The following IMMP2L variants were observed in gnomAD, a reference collection of about 807,000 sequenced individuals.
The protein encoded by IMMP2L is inner mitochondrial membrane peptidase subunit 2, also known as mitochondrial inner membrane protease subunit 2.
Under a neutral mutation model 19.3 loss-of-function variants are expected in IMMP2L, and 18 were observed. That is an observed-to-expected ratio of 0.93 (90% CI 0.64 to 1.38). IMMP2L has a LOEUF of 1.38. IMMP2L is among the 40% of genes most tolerant of loss of function. The pLI, the probability that IMMP2L is intolerant of heterozygous loss-of-function variation, is 0.00. For missense variants in IMMP2L, 233 were observed against 218.2 expected (o/e 1.07, Z -0.43); for synonymous variants, 76 against 73.0 (o/e 1.04, Z -0.21).
chr7:111,151,777 A>G (rs1452169132), intron 3 of IMMP2L, among the ~76,000 whole-genome samples: 4 of 152,112 alleles, frequency 2.6e-5, no homozygotes, highest in Non-Finnish European at 5.9e-5. Context: ...CATCTCTACT[A>G]AAAGCACAAA....
intron 5 of IMMP2L, among the ~76,000 whole-genome samples, chr7:110,812,625 G>A (rs1802125481): frequency 1.3e-5 from 2 of 152,020 alleles, no homozygotes; most frequent in Non-Finnish European, 2.9e-5. Context: ...ACATATCCTG[G>A]ATCAGGATTG....
intron 3 of IMMP2L, among the ~76,000 whole-genome samples, chr7:111,325,536 A>C (rs1320030063): frequency 6.6e-6 from 1 of 151,736 alleles, no homozygotes; most frequent in African/African-American, 2.4e-5. Context: ...GGACCTACCA[A>C]AATATTTTTA....
At chr7:111,278,937 C>G (rs920676471) in intron 3 of IMMP2L, among the ~76,000 whole-genome samples, 2 of 151,870 alleles carry the variant, frequency 1.3e-5, no homozygotes, top group Non-Finnish European at 2.9e-5. Flanking sequence ...GTCATCAGTT[C>G]TATGAGAATG....
intron 4 of IMMP2L, among the ~76,000 whole-genome samples, chr7:110,916,595 C>T (rs1813638777): frequency 6.6e-6 from 1 of 152,168 alleles, no homozygotes; most frequent in East Asian, 1.9e-4. Flanking sequence ...TTTTACCTTT[C>T]CTACACTACT....
At chr7:111,464,005 T>C (rs1165585308) in intron 3 of IMMP2L, among the ~76,000 whole-genome samples, 1 of 152,180 alleles carries the variant, frequency 6.6e-6, no homozygotes, top group African/African-American at 2.4e-5. Flanking sequence ...ACTGTTTTGC[T>C]CCTTTCCTCC....
At position 111,010,844 on chromosome 7, in the gene IMMP2L, T is replaced by C. The variant is rs142452523; in HGVS notation, c.240-47279A>G. Among the ~76,000 whole-genome samples, 44 of 152,104 alleles carry C rather than the reference T, an allele frequency of 2.9e-4. No individual in the cohort carries two copies. The East Asian group carries it at 6.8e-3, about 23-fold the overall frequency. On this transcript the variant is annotated intron_variant, in intron 3 of 5. Transcript: ENST00000405709. ...GTTTTGGCCGGAGAAAGGACATTCA[T>C]GGTCTCAAGACTACAAACGTGGCAA...
chr7:111,540,491 T>C (rs754552958), intron 1 of IMMP2L, among the ~76,000 whole-genome samples: 1 of 152,156 alleles, frequency 6.6e-6, no homozygotes, highest in African/African-American at 2.4e-5. Flanking sequence ...TCAAAAGCTC[T>C]AACGAGGTGA....
intron 3 of IMMP2L, among the ~76,000 whole-genome samples, chr7:111,265,762 G>A (rs1335697758): frequency 1.2e-4 from 18 of 151,978 alleles, no homozygotes; most frequent in Admixed American, 1.2e-3. Flanking sequence ...TTAGACTAGG[G>A]GCAGGATAAT....
chr7:111,434,604 G>A lies in IMMP2L; in HGVS notation c.239+52634C>T, dbSNP rs546185219. The stretch of plus-strand genomic sequence containing the variant: ...TCTGTTGCACAGGATGGAGTGCAGT[G>A]GCGCAATCTTGGCTCACTGCAACCT... On this transcript the variant is annotated intron_variant, in intron 3 of 5. Transcript: ENST00000405709. 4.0e-5 allele frequency among the ~76,000 whole-genome samples: 6 copies of A among 151,598 alleles called. No individual in the cohort carries two copies. In the East Asian group the frequency reaches 9.7e-4, roughly 24 times the overall value.
At chr7:111,133,238 A>G (rs1336640231) in intron 3 of IMMP2L, among the ~76,000 whole-genome samples, 1 of 152,030 alleles carries the variant, frequency 6.6e-6, no homozygotes, top group African/African-American at 2.4e-5. Flanking sequence ...AAAGGTAAAT[A>G]CCAACAAATG....
rs146254219 is a variant in IMMP2L, at chr7:111,342,514, C to A, written c.239+144724G>T. Among the ~76,000 whole-genome samples, 910 of 152,062 alleles carry A rather than the reference C, an allele frequency of 6.0e-3. 3 individuals carry two copies. Among genetic ancestry groups the A allele is most frequent in the Non-Finnish European group, 9.5e-3 (643 of 67,998 alleles). On this transcript the variant is annotated intron_variant, in intron 3 of 5. Coordinates refer to ENST00000405709, the MANE Select transcript of IMMP2L (RefSeq NM_032549.4). ...GGCTGAGGTAGGAGAATCCCTTGAA[C>A]CAGGGAGTTGGAGGTTGCAGTGAGC...
At chr7:111,296,497 A>C (rs1821654616) in intron 3 of IMMP2L, among the ~76,000 whole-genome samples, 1 of 151,344 alleles carries the variant, frequency 6.6e-6, no homozygotes, top group African/African-American at 2.4e-5. Flanking sequence ...CAACTGTTAG[A>C]ATAGCTTTAA....
intron 1 of IMMP2L, among the ~76,000 whole-genome samples, chr7:111,557,974 G>A (rs993731923): frequency 2.6e-5 from 4 of 152,016 alleles, no homozygotes; most frequent in South Asian, 2.1e-4. Context: ...TGTTACTGTA[G>A]TACAGATATC....
chr7:111,149,520 CATAA>C (rs1261042607), intron 3 of IMMP2L, among the ~76,000 whole-genome samples: 2 of 152,254 alleles, frequency 1.3e-5, no homozygotes, highest in Non-Finnish European at 2.9e-5. Flanking sequence ...TCAATTAACA[CATAA>C]ATAAACTAGT....
chr7:111,139,074 CAAAT>C (rs1308529763), intron 3 of IMMP2L, among the ~76,000 whole-genome samples: 6 of 151,520 alleles, frequency 4.0e-5, no homozygotes, highest in Non-Finnish European at 7.4e-5. Flanking sequence ...GAATAATGAA[CAAAT>C]AAATGAATGT....
chr7:111,111,292 G>A (rs1799161178), intron 3 of IMMP2L, among the ~76,000 whole-genome samples: 1 of 134,572 alleles, frequency 7.4e-6, no homozygotes, highest in African/African-American at 3.0e-5. Context: ...TTCATGGGTA[G>A]CAGTTGTAAA....
intron 3 of IMMP2L, among the ~76,000 whole-genome samples, chr7:111,130,354 C>T (rs556121101): frequency 1.3e-5 from 2 of 152,178 alleles, no homozygotes; most frequent in African/African-American, 4.8e-5. Flanking sequence ...CTTAGTAAGC[C>T]TTTTAGAAGG....
chr7:111,210,912 G>C (rs773685996), intron 3 of IMMP2L, among the ~76,000 whole-genome samples: 1 of 151,704 alleles, frequency 6.6e-6, no homozygotes, highest in Non-Finnish European at 1.5e-5. Context: ...TAAGGATAAG[G>C]CCTTTGGCTT....
At chr7:111,506,798 T>C (rs921073362) in intron 2 of IMMP2L, among the ~76,000 whole-genome samples, 11 of 152,194 alleles carry the variant, frequency 7.2e-5, no homozygotes, top group Non-Finnish European at 1.6e-4. Flanking sequence ...ATTAAAAAGA[T>C]ATACTAAGTA....
Sources: gnomAD v4.1 joint callset for allele counts (sites outside exome capture counted in the v4.1 genomes callset) on GRCh38, gnomAD v4.1.1 for gene constraint, MANE v1.5 for transcripts, NCBI Gene and HGNC (gene_info 2026-07-23, HGNC 2026-07-21) for gene names.